Variants in RGS7 observed in about 807,000 individuals in gnomAD.
The protein encoded by RGS7 is regulator of G protein signaling 7, also known as regulator of G-protein signaling 7.
Under a neutral mutation model 81.1 loss-of-function variants are expected in RGS7, and 27 were observed. That is an observed-to-expected ratio of 0.33 (90% confidence interval 0.25 to 0.46). The LOEUF (loss-of-function observed/expected upper bound fraction) is 0.46, where lower values mean the gene tolerates loss of function less well. RGS7 is among the 20% of genes least tolerant of loss of function. The pLI, the probability that RGS7 is intolerant of heterozygous loss-of-function variation, is 1.00. For missense variants in RGS7, 396 were observed against 607.4 expected, an observed-to-expected ratio of 0.65 and a Z score of 3.66; for synonymous variants, 208 against 207.7, an observed-to-expected ratio of 1.00 and a Z score of -0.01.
At chr1:241,157,489 G>A (rs2069258200) in intron 2 of RGS7, among the ~76,000 whole-genome samples, 1 of 152,136 alleles carries the variant, frequency 6.6e-6, no homozygotes, top group African/African-American at 2.4e-5. Flanking sequence ...GCTGGTGTGA[G>A]AATCATTGTC....
At chr1:241,217,997 C>T (rs545503169) in intron 2 of RGS7, among the ~76,000 whole-genome samples, 1 of 152,256 alleles carries the variant, frequency 6.6e-6, no homozygotes, top group East Asian at 1.9e-4. Flanking sequence ...ATCTGAGAAT[C>T]AAATATCTGG....
intron 18 of RGS7, among the ~76,000 whole-genome samples, chr1:240,789,304 G>A (rs1310766738): frequency 2.6e-5 from 4 of 152,134 alleles, no homozygotes; most frequent in Admixed American, 2.6e-4. Context: ...ACCATGTGAT[G>A]ATTGCGTTAA....
At chr1:241,184,393 C>T (rs1269208537) in intron 2 of RGS7, among the ~76,000 whole-genome samples, 1 of 152,108 alleles carries the variant, frequency 6.6e-6, no homozygotes, top group African/African-American at 2.4e-5. Flanking sequence ...GTATGACAAA[C>T]AATGTGGAAA....
At chr1:241,047,286 T>C (rs1019362773) in intron 3 of RGS7, among the ~76,000 whole-genome samples, 7 of 152,172 alleles carry the variant, frequency 4.6e-5, no homozygotes, top group Admixed American at 3.9e-4. Context: ...GCTTCATAGT[T>C]TCCCCACAGC....
rs1048006185 is a variant in RGS7, at chr1:240,932,474, G to T, written c.334-1706C>A. ...CAGGATTCTAGGATAGCCCTAGGGG[G>T]ACAAAGTAGTTAAAACTTTGCTTTC... On this transcript the variant is annotated intron_variant, in intron 5 of 18. Transcript: ENST00000440928. Among the ~76,000 whole-genome samples, 4 of 150,092 alleles carry T rather than the reference G, an allele frequency of 2.7e-5. No homozygotes were observed. The East Asian group carries it at 7.8e-4, about 29-fold the overall frequency.
At chr1:241,306,788 C>A (rs1573601341) in intron 2 of RGS7, among the ~76,000 whole-genome samples, 1 of 152,094 alleles carries the variant, frequency 6.6e-6, no homozygotes, top group African/African-American at 2.4e-5. Flanking sequence ...CACATCCTCA[C>A]ACATGAACAC....
At chr1:241,132,169 T>G (rs2067144201) in intron 2 of RGS7, 1 of 154,108 alleles carries the variant, frequency 6.5e-6, no homozygotes, top group African/African-American at 2.4e-5. Flanking sequence ...CTATTTTGTG[T>G]TTAAGTGGCA....
intron 9 of RGS7, among the ~76,000 whole-genome samples, chr1:240,845,730 T>C (rs1477792030): frequency 6.6e-6 from 1 of 152,252 alleles, no homozygotes; most frequent in African/African-American, 2.4e-5. Context: ...ATCAATGTTA[T>C]TGTCATCGAT....
intron 6 of RGS7, among the ~76,000 whole-genome samples, chr1:240,880,726 T>C (rs1373927308): frequency 1.3e-5 from 2 of 152,158 alleles, no homozygotes; most frequent in African/African-American, 4.8e-5. Context: ...CCTACTGGGG[T>C]TGGTCAGAAT....
intron 2 of RGS7, among the ~76,000 whole-genome samples, chr1:241,146,719 C>T (rs536747751): frequency 1.2e-4 from 18 of 152,262 alleles, no homozygotes; most frequent in South Asian, 4.1e-4. Flanking sequence ...GTTCATTCAG[C>T]GGCTATAACA....
chr1:240,969,680 G>C (rs909580063), intron 4 of RGS7, among the ~76,000 whole-genome samples: 4 of 152,192 alleles, frequency 2.6e-5, no homozygotes, highest in African/African-American at 9.7e-5. Flanking sequence ...GGCATTTATA[G>C]ATGCATGTGC....
At chr1:241,204,481 C>A (rs571994858) in intron 2 of RGS7, among the ~76,000 whole-genome samples, 7 of 152,194 alleles carry the variant, frequency 4.6e-5, no homozygotes, top group South Asian at 2.1e-4. Flanking sequence ...AGAGGAAATT[C>A]ATTTAGCAAA....
chr1:241,356,078 A>T (rs2083544515), intron 1 of RGS7, among the ~76,000 whole-genome samples: 1 of 152,164 alleles, frequency 6.6e-6, no homozygotes, highest in Non-Finnish European at 1.5e-5. Flanking sequence ...TTTTCTGGAT[A>T]CTCATTTTGA....
intron 3 of RGS7, among the ~76,000 whole-genome samples, chr1:241,057,983 C>T (rs1430165577): frequency 6.6e-6 from 1 of 152,044 alleles, no homozygotes; most frequent in Admixed American, 6.5e-5. Flanking sequence ...TCCCCTCATC[C>T]CACTAGGAAT....
At chr1:241,077,893 A>C (rs990412150) in intron 3 of RGS7, among the ~76,000 whole-genome samples, 1 of 152,188 alleles carries the variant, frequency 6.6e-6, no homozygotes, top group African/African-American at 2.4e-5. Context: ...AGCATTTTCC[A>C]AACTAAGTGC....
At chr1:240,957,966 TC>T (rs1680729369) in intron 4 of RGS7, among the ~76,000 whole-genome samples, 1 of 152,150 alleles carries the variant, frequency 6.6e-6, no homozygotes, top group Admixed American at 6.5e-5. Flanking sequence ...CAGTGACCCT[TC>T]TTCTCACGGA....
At chr1:241,337,244 G>A (rs1336896111) in intron 2 of RGS7, among the ~76,000 whole-genome samples, 1 of 152,062 alleles carries the variant, frequency 6.6e-6, no homozygotes, top group Non-Finnish European at 1.5e-5. Context: ...CATTGTTCAT[G>A]CCTCTTGTCC....
At chr1:240,778,304 C>A (rs1213856694) in intron 18 of RGS7, among the ~76,000 whole-genome samples, 1 of 152,182 alleles carries the variant, frequency 6.6e-6, no homozygotes, top group Non-Finnish European at 1.5e-5. Flanking sequence ...ATATTCAGTT[C>A]ATAGCAGCCA....
intron 14 of RGS7, among the ~76,000 whole-genome samples, chr1:240,811,096 T>C (rs181495583): frequency 3.7e-4 from 56 of 152,230 alleles, no homozygotes; most frequent in Non-Finnish European, 6.8e-4. Context: ...CCAATGAAAA[T>C]AAATGAATGC....
Sources: allele counts gnomAD v4.1 joint callset (sites outside exome capture counted in the v4.1 genomes callset), GRCh38; gene constraint gnomAD v4.1.1; transcripts MANE v1.5; gene names NCBI Gene and HGNC (gene_info 2026-07-23, HGNC 2026-07-21).